Variants in OTOGL observed in about 807,000 individuals in gnomAD.
OTOGL encodes otogelin like, also known as otogelin-like protein.
A neutral mutation model predicts 318.5 loss-of-function variants in OTOGL; 285 were observed. The ratio of observed to expected loss-of-function variants is 0.89; its 90% CI spans 0.81 to 0.99. The LOEUF (loss-of-function observed/expected upper bound fraction) is 0.99, where lower values mean the gene tolerates loss of function less well. OTOGL is among the 50% of genes least tolerant of loss of function. The probability of loss-of-function intolerance (pLI) is 0.00; values close to 1 mark genes in which losing one functional copy is unlikely to be tolerated. For missense variants in OTOGL, 2,899 were observed against 2,845.6 expected, an observed-to-expected ratio of 1.02 and a Z score of -0.43; for synonymous variants, 987 against 936.5, an observed-to-expected ratio of 1.05 and a Z score of -0.99.
In OTOGL at chr12:80,227,444, C is replaced by T. The variant is rs369534262; in HGVS notation, c.490-1813C>T. ...TTTGTTTATTTGATGTCTTTCATGT[C>T]GCAGACTTTCATCAAATGACTAATG... On this transcript the variant is annotated intron_variant, in intron 7 of 58. Coordinates refer to ENST00000547103, the MANE Select transcript of OTOGL (RefSeq NM_001378609.3). Among the ~76,000 whole-genome samples, 7 of 151,850 alleles carry T rather than the reference C, an allele frequency of 4.6e-5. No homozygotes were observed. In the East Asian group the frequency reaches 5.8e-4, roughly 13 times the overall value.
intron 1 of OTOGL, among the ~76,000 whole-genome samples, chr12:80,139,900 A>C (rs1394394624): frequency 6.6e-6 from 1 of 152,122 alleles, no homozygotes; most frequent in East Asian, 1.9e-4. Context: ...ATGTTCTACT[A>C]ACATCCTACA....
chr12:80,204,523 CTAAG>C (rs1297114023), intron 1 of OTOGL, among the ~76,000 whole-genome samples: 2 of 151,898 alleles, frequency 1.3e-5, no homozygotes, highest in Non-Finnish European at 2.9e-5. Flanking sequence ...TGTAAGTAAG[CTAAG>C]TAAGTTGTAA....
chr12:80,138,152 C>T (rs897897967), intron 1 of OTOGL, among the ~76,000 whole-genome samples: 11 of 151,990 alleles, frequency 7.2e-5, no homozygotes, highest in South Asian at 2.1e-4. Context: ...TCAGAATGAA[C>T]GAGTTCCCAA....
Position 80,296,918 on chromosome 12 carries a change from T to C in OTOGL, c.3020T>C (p.Val1007Ala), listed in dbSNP as rs202051419. ...IVCSKSVLIS[V>A]GDTEIYLNDT... Reference sequence around the variant, plus strand: ...TGTTCTAAAAGTGTTTTGATTTCAGTTGGGGACACTGAAATTTACCTGAAT... The same window carrying C: ...TGTTCTAAAAGTGTTTTGATTTCAGCTGGGGACACTGAAATTTACCTGAAT... Residue 1007 changes from valine to alanine, a missense_variant, in exon 27 of 59, where the codon GTT becomes GCT. By Grantham distance (64) the Val-to-Ala change is moderately conservative. Around this residue, in one of 3 missense-constraint regions of OTOGL, gnomAD observed 2,607 missense variants for 2,524.9 expected, o/e 1.03. Coordinates refer to ENST00000547103, the MANE Select transcript of OTOGL (RefSeq NM_001378609.3). The C allele has an allele frequency of 1.5e-4, 228 of 1,550,874 alleles. No individual in the cohort carries two copies. The African/African-American group carries it at 2.3e-3, about 16-fold the overall frequency.
At position 80,302,695 on chromosome 12, in the gene OTOGL, A is replaced by C. The variant is rs12304169; in HGVS notation, c.3125A>C (p.Tyr1042Ser). The C allele has an allele frequency of 5.3e-6, 8 of 1,515,124 alleles. No individual in the cohort carries two copies. The African/African-American group carries it at 1.1e-4, about 21-fold the overall frequency. The allele number at this position is 1,515,124 out of a possible 1,614,324, so 93.9% of individuals were successfully genotyped here. A position where few individuals can be genotyped will look rare whatever the true frequency, so the allele number is the denominator to read the frequency against. Residue 1042 changes from tyrosine (Y) to serine (S), a missense_variant, in exon 28 of 59, where the codon TAT becomes TCT. Physicochemically the swap from Tyr to Ser is moderately radical, Grantham distance 144. Transcript: ENST00000547103. ...TACCAGCTTTGGAAGGCTGGTTACTATATAGTAGTATACTTTCCAGAGAAA... is the reference window on the plus strand; with the variant it reads ...TACCAGCTTTGGAAGGCTGGTTACTCTATAGTAGTATACTTTCCAGAGAAA... Reference protein sequence around the residue: ...STYQLWKAGYYIVVYFPEKDI... With the variant: ...STYQLWKAGYSIVVYFPEKDI...
intron 46 of OTOGL, 129 bp from the exon 47 acceptor site, chr12:80,355,606 AG>A: frequency 1.3e-5 from 9 of 677,184 alleles, no homozygotes; most frequent in Non-Finnish European, 2.2e-5. Flanking sequence ...GAGAAATCTG[AG>A]AAAAACAATA....
intron 30 of OTOGL, 145 bp from the exon 31 acceptor site, chr12:80,313,331 G>T: frequency 1.5e-6 from 1 of 677,146 alleles, no homozygotes; most frequent in Non-Finnish European, 2.4e-6. Context: ...GGGCAATAAA[G>T]AGGCTTTAAA....
intron 29 of OTOGL, among the ~76,000 whole-genome samples, chr12:80,309,227 A>G (rs962713380): frequency 5.9e-5 from 9 of 152,178 alleles, no homozygotes; most frequent in African/African-American, 2.2e-4. Flanking sequence ...AGGAATTTAG[A>G]GTCTAGAGGT....
chr12:80,136,140 G>C (rs575416702), intron 1 of OTOGL, among the ~76,000 whole-genome samples: 35 of 152,138 alleles, frequency 2.3e-4, no homozygotes, highest in African/African-American at 6.3e-4. Flanking sequence ...ACAGTTTCTG[G>C]ACTTGCTTTT....
chr12:80,309,998 A>AT (rs1886524165), intron 29 of OTOGL, among the ~76,000 whole-genome samples: 1 of 152,210 alleles, frequency 6.6e-6, no homozygotes, highest in Non-Finnish European at 1.5e-5. Context: ...ACAGCAGCCA[A>AT]TGTAGCAAGA....
chr12:80,277,211 T>A (rs1883875147), intron 24 of OTOGL, among the ~76,000 whole-genome samples: 1 of 146,958 alleles, frequency 6.8e-6, no homozygotes, highest in Admixed American at 6.9e-5. Flanking sequence ...AATGTTTTTA[T>A]CTTTATTTTA....
At chr12:80,169,427 C>A (rs1874040371) in intron 1 of OTOGL, among the ~76,000 whole-genome samples, 1 of 152,156 alleles carries the variant, frequency 6.6e-6, no homozygotes, top group Admixed American at 6.6e-5. Context: ...GTGTCACATC[C>A]TGCTCAAAAC....
intron 52 of OTOGL, among the ~76,000 whole-genome samples, chr12:80,359,841 T>G (rs967422871): frequency 6.6e-6 from 1 of 152,218 alleles, no homozygotes; most frequent in African/African-American, 2.4e-5. Flanking sequence ...ATTTCTCTAG[T>G]CCTTCACAGT....
chr12:80,334,068 AT>A (rs1249629678), intron 38 of OTOGL, among the ~76,000 whole-genome samples: 1 of 152,168 alleles, frequency 6.6e-6, no homozygotes, highest in Admixed American at 6.5e-5. Flanking sequence ...CTTCAAGATC[AT>A]TTTGGCTGGT....
At position 80,380,574 on chromosome 12, in the gene OTOGL, T is replaced by C. The variant is rs1271999899; in HGVS notation, c.*2526T>C. ...TATTTCACATTCAATCTACAGAAAT[T>C]CAATTTCTCACCTACCAGACTGGTA... On this transcript the variant is annotated 3_prime_UTR_variant, in exon 59 of 59. Coordinates refer to ENST00000547103, the MANE Select transcript of OTOGL (RefSeq NM_001378609.3). 6.9e-6 allele frequency: 1 copy of C among 144,316 alleles called. No homozygotes were observed. Among genetic ancestry groups the C allele is most frequent in the African/African-American group, 2.6e-5 (1 of 38,632 alleles). 8.9% of individuals were successfully genotyped at this position (144,316 alleles called of 1,614,324 possible).
rs1888466434 is a variant in OTOGL at position 80,337,172 on chromosome 12, T to C, written c.4860+168T>C. ...TGTGTTTCTTAATATTATATTTGTC[T>C]CTCAATAATGTGCCAATTATTGCAA... On this transcript the variant is annotated intron_variant, in intron 42 of 58. Transcript: ENST00000547103. Among the ~76,000 whole-genome samples the C allele has an allele frequency of 2.0e-5, 3 of 152,126 alleles. No homozygotes were observed. The South Asian group carries it at 6.2e-4, about 31-fold the overall frequency.
At position 80,272,342 on chromosome 12, in the gene OTOGL, A is replaced by ATGTG. The variant is rs56364698; in HGVS notation, c.2681+576_2681+579dup. On this transcript the variant is annotated intron_variant, in intron 24 of 58. Transcript: ENST00000547103. ...TTTTAAGCCTCAATTAGGCATTGTGATGTGTGTGTGTGTGTGTGTGTGTGT... is the reference window on the plus strand; with the variant it reads ...TTTTAAGCCTCAATTAGGCATTGTGATGTGTGTGTGTGTGTGTGTGTGTGTGTGT... Among the ~76,000 whole-genome samples the ATGTG allele has an allele frequency of 3.3e-3, 474 of 145,590 alleles. 1 individual carries two copies. The highest frequency in any genetic ancestry group is 0.011 in the African/African-American group (443 of 39,094).
At chr12:80,328,519 A>G (rs542074838) in intron 35 of OTOGL, 146 bp from the exon 36 acceptor site, 149 of 626,080 alleles carry the variant, frequency 2.4e-4, no homozygotes, top group Non-Finnish European at 3.7e-4. Flanking sequence ...ACGAAGTAGC[A>G]GATGGAGCAG....
intron 53 of OTOGL, 58 bp from the exon 54 acceptor site, chr12:80,367,503 T>A: frequency 7.9e-7 from 1 of 1,271,130 alleles, no homozygotes. Flanking sequence ...GTTCCAACGA[T>A]GGATTAGTAC....
Sources: gnomAD v4.1 joint callset for allele counts (sites outside exome capture counted in the v4.1 genomes callset) on GRCh38, gnomAD v4.1.1 for gene constraint, gnomAD v4.1.1 regional missense constraint, MANE v1.5 for transcripts, NCBI Gene and HGNC (gene_info 2026-07-23, HGNC 2026-07-21) for gene names.